SLC35F3: variants seen among roughly 807,000 people sequenced by gnomAD.
SLC35F3 encodes the protein solute carrier family 35 member F3.
Under a neutral mutation model 49.9 loss-of-function variants are expected in SLC35F3, and 25 were observed. The ratio of observed to expected loss-of-function variants is 0.50; its 90% CI spans 0.37 to 0.70. SLC35F3 has a LOEUF of 0.70. Among genes scored for constraint, SLC35F3 ranks in the 30% least tolerant of loss-of-function variants. The probability of loss-of-function intolerance (pLI) is 0.00; values close to 1 mark genes in which losing one functional copy is unlikely to be tolerated. For synonymous variants in SLC35F3, 275 were observed against 265.4 expected, an observed-to-expected ratio of 1.04 and a Z score of -0.35; for missense variants, 525 against 639.8, an observed-to-expected ratio of 0.82 and a Z score of 1.94.
intron 2 of SLC35F3, among the ~76,000 whole-genome samples, chr1:233,933,075 A>G (rs1662271442): frequency 6.6e-6 from 1 of 151,612 alleles, no homozygotes; most frequent in South Asian, 2.1e-4. Flanking sequence ...GGTAAAAATA[A>G]TCAGGACTTT....
intron 3 of SLC35F3, among the ~76,000 whole-genome samples, chr1:234,251,934 A>T (rs1667744322): frequency 6.6e-6 from 1 of 152,160 alleles, no homozygotes; most frequent in South Asian, 2.1e-4. Flanking sequence ...GTAAGCCTAG[A>T]TAAATTCCAA....
At chr1:234,044,783 G>A (rs1412783208) in intron 2 of SLC35F3, among the ~76,000 whole-genome samples, 1 of 152,000 alleles carries the variant, frequency 6.6e-6, no homozygotes, top group Non-Finnish European at 1.5e-5. Context: ...TCATAAATAT[G>A]TCACAGCTCT....
Position 234,230,435 on chromosome 1 carries a change from G to A in SLC35F3, c.284-982G>A, listed in dbSNP as rs558935128. ...GAAAATGGCCTCTTAGCACTAATGT[G>A]CCTCCATTCAGCTAGGTGCCAGGCA... On this transcript the variant is annotated intron_variant, in intron 2 of 7. Coordinates refer to ENST00000366618, the MANE Select transcript of SLC35F3 (RefSeq NM_173508.4). Among the ~76,000 whole-genome samples the A allele has an allele frequency of 5.3e-5, 8 of 152,314 alleles. No individual in the cohort carries two copies. The South Asian group carries it at 1.5e-3, about 28-fold the overall frequency.
intron 2 of SLC35F3, among the ~76,000 whole-genome samples, chr1:234,074,738 G>A (rs891788473): frequency 5.3e-5 from 8 of 152,304 alleles, no homozygotes; most frequent in Non-Finnish European, 8.8e-5. Context: ...AGGGTGGAGC[G>A]GAATTTGTGG....
At chr1:234,136,382 C>CT (rs1665812872) in intron 2 of SLC35F3, among the ~76,000 whole-genome samples, 1 of 142,046 alleles carries the variant, frequency 7.0e-6, no homozygotes, top group South Asian at 2.3e-4. Flanking sequence ...CTTTCTATTT[C>CT]TTTTTTTTCC....
intron 2 of SLC35F3, among the ~76,000 whole-genome samples, chr1:234,131,581 CTG>C (rs1665737340): frequency 1.3e-5 from 2 of 152,212 alleles, no homozygotes; most frequent in African/African-American, 4.8e-5. Context: ...GAGTTAAAGA[CTG>C]TGATGTTCAT....
intron 2 of SLC35F3, among the ~76,000 whole-genome samples, chr1:234,021,551 T>A (rs1281518925): frequency 1.3e-5 from 2 of 152,246 alleles, no homozygotes; most frequent in African/African-American, 2.4e-5. Flanking sequence ...TAATCAGGCC[T>A]GATTGTATTA....
chr1:234,271,478 GT>G (rs1414576870), intron 3 of SLC35F3, among the ~76,000 whole-genome samples: 5 of 152,288 alleles, frequency 3.3e-5, no homozygotes, highest in South Asian at 2.1e-4. Context: ...CTGGTTCAGA[GT>G]TTTTTCGTTT....
chr1:234,177,903 C>T (rs1008659539), intron 2 of SLC35F3, among the ~76,000 whole-genome samples: 2 of 152,200 alleles, frequency 1.3e-5, no homozygotes, highest in African/African-American at 4.8e-5. Flanking sequence ...GTTGTGCAAT[C>T]ATAGTACAGT....
chr1:234,203,033 C>A (rs1316674255), intron 2 of SLC35F3, among the ~76,000 whole-genome samples: 2 of 152,134 alleles, frequency 1.3e-5, no homozygotes, highest in Non-Finnish European at 2.9e-5. Context: ...TGCAGAAAAC[C>A]AATACTGTCA....
chr1:233,947,674 T>G (rs1662534479), intron 2 of SLC35F3, among the ~76,000 whole-genome samples: 1 of 149,160 alleles, frequency 6.7e-6, no homozygotes, highest in Non-Finnish European at 1.5e-5. Context: ...GCACCTCATA[T>G]GGGAACCAGG....
intron 3 of SLC35F3, among the ~76,000 whole-genome samples, chr1:234,273,417 A>G (rs479177): frequency 0.69 from 104,751 of 152,112 alleles, 36,563 homozygotes; most frequent in East Asian, 0.99. Flanking sequence ...GAGCCTCCCT[A>G]CAATTCCAGC....
At chr1:234,118,367 C>T (rs1179856131) in intron 2 of SLC35F3, among the ~76,000 whole-genome samples, 1 of 152,166 alleles carries the variant, frequency 6.6e-6, no homozygotes, top group Non-Finnish European at 1.5e-5. Flanking sequence ...TCCATTGACA[C>T]ACAACCCCCA....
chr1:234,179,158 C>T (rs955470912), intron 2 of SLC35F3, among the ~76,000 whole-genome samples: 5 of 152,144 alleles, frequency 3.3e-5, no homozygotes, highest in Admixed American at 6.5e-5. Flanking sequence ...TCCTCAGCTG[C>T]GATCATTTCA....
At chr1:234,201,505 T>C (rs1321257941) in intron 2 of SLC35F3, among the ~76,000 whole-genome samples, 1 of 152,200 alleles carries the variant, frequency 6.6e-6, no homozygotes, top group Non-Finnish European at 1.5e-5. Context: ...GATTTTCAAA[T>C]TACAAACATC....
At chr1:234,086,932 G>C (rs1664970696) in intron 2 of SLC35F3, among the ~76,000 whole-genome samples, 1 of 152,186 alleles carries the variant, frequency 6.6e-6, no homozygotes, top group Non-Finnish European at 1.5e-5. Flanking sequence ...ACAGGCGTTA[G>C]CAATTGAATT....
In SLC35F3 at chr1:234,322,205, A is replaced by C. The variant is rs1657638126; in HGVS notation, c.1238-803A>C. 1.3e-5 allele frequency among the ~76,000 whole-genome samples: 2 copies of C among 151,846 alleles called. 1 individual carries two copies. Among genetic ancestry groups the C allele is most frequent in the African/African-American group, 4.8e-5 (2 of 41,304 alleles). On this transcript the variant is annotated intron_variant, in intron 7 of 7. Transcript: ENST00000366618. ...TGAGACCCTGTCTCAAAAAAAAAAA[A>C]AAAATACAGTTGACCCTTGAACAAT...
chr1:234,139,963 A>ATAAAATTAAATTAAAT, intron 2 of SLC35F3, among the ~76,000 whole-genome samples: 1 of 131,074 alleles, frequency 7.6e-6, no homozygotes, highest in African/African-American at 3.0e-5. Flanking sequence ...ATAAAATAAA[A>ATAAAATTAAATTAAAT]TAAAATAAAA....
At chr1:234,043,175 C>G (rs776567902) in intron 2 of SLC35F3, among the ~76,000 whole-genome samples, 12 of 152,276 alleles carry the variant, frequency 7.9e-5, no homozygotes, top group East Asian at 3.9e-4. Context: ...CTCTCCTCCC[C>G]CTCCTCAGAG....
Sources: allele counts gnomAD v4.1 joint callset (sites outside exome capture counted in the v4.1 genomes callset), GRCh38; gene constraint gnomAD v4.1.1; transcripts MANE v1.5; gene names NCBI Gene and HGNC (gene_info 2026-07-23, HGNC 2026-07-21).